Variants in PCDHA12 observed in about 807,000 individuals in gnomAD.
PCDHA12 encodes protocadherin alpha-12.
PCDHA12 carries 44 observed loss-of-function variants against 60.0 expected under a neutral mutation model. That is an observed-to-expected ratio of 0.73 (90% CI 0.58 to 0.94). The LOEUF (loss-of-function observed/expected upper bound fraction) is 0.94. Ranked by LOEUF, PCDHA12 falls within the 40% of genes least tolerant of loss-of-function variation. PCDHA12 has a pLI of 0.00. For synonymous variants in PCDHA12, 569 were observed against 553.0 expected (o/e 1.03, Z -0.40); for missense variants, 1,276 against 1,239.7 (o/e 1.03, Z -0.44).
Position 140,979,220 on chromosome 5 carries a change from C to T in PCDHA12, c.2426+213C>T, listed in dbSNP as rs552719327. ...TATCAAGTGCTGGCATATAAGAGTC[C>T]TCTGTAAAATCACAGAAACAGGCTG... On this transcript the variant is annotated intron_variant, in intron 2 of 3. Transcript: ENST00000398631. Among the ~76,000 whole-genome samples, 27 of 152,304 alleles carry T rather than the reference C, an allele frequency of 1.8e-4. 1 individual carries two copies. The highest frequency in any genetic ancestry group is 6.3e-4 in the African/African-American group (26 of 41,574).
At chr5:141,008,211 G>A (rs1032443788) in intron 3 of PCDHA12, among the ~76,000 whole-genome samples, 6 of 152,168 alleles carry the variant, frequency 3.9e-5, no homozygotes, top group Admixed American at 2.0e-4. Context: ...AACTTGACAT[G>A]AGTTATGTTA....
At chr5:140,915,753 G>A (rs1196952771) in intron 1 of PCDHA12, among the ~76,000 whole-genome samples, 1 of 151,952 alleles carries the variant, frequency 6.6e-6, no homozygotes, top group Non-Finnish European at 1.5e-5. Context: ...AGCCAGCACA[G>A]CCCTGGGTCT....
intron 3 of PCDHA12, among the ~76,000 whole-genome samples, chr5:141,000,900 G>A (rs1020896392): frequency 6.6e-6 from 1 of 151,614 alleles, no homozygotes; most frequent in African/African-American, 2.4e-5. Flanking sequence ...AGATATAGAC[G>A]CTGTCTCTAA....
At chr5:140,882,279 C>A (rs1456228410) in intron 1 of PCDHA12, 1 of 1,612,386 alleles carries the variant, frequency 6.2e-7, no homozygotes, top group Non-Finnish European at 8.5e-7. Context: ...ATGCTGTCTT[C>A]CTGGCAAGGA....
intron 1 of PCDHA12, among the ~76,000 whole-genome samples, chr5:140,894,494 T>C (rs1412845995): frequency 6.6e-6 from 1 of 151,992 alleles, no homozygotes; most frequent in Non-Finnish European, 1.5e-5. Flanking sequence ...TAGTTTTCTT[T>C]AGGCATTATC....
intron 1 of PCDHA12, among the ~76,000 whole-genome samples, chr5:140,961,987 C>T (rs1411300268): frequency 1.3e-5 from 2 of 151,942 alleles, no homozygotes; most frequent in African/African-American, 4.8e-5. Context: ...GGGTTCACGC[C>T]ATTGTCCTGC....
intron 3 of PCDHA12, among the ~76,000 whole-genome samples, chr5:141,007,208 A>G (rs1056049066): frequency 5.3e-5 from 8 of 152,060 alleles, no homozygotes; most frequent in African/African-American, 1.9e-4. Context: ...GGGCCAGAAT[A>G]TGCTGTCCCA....
At chr5:140,903,427 A>G (rs1030133179) in intron 1 of PCDHA12, among the ~76,000 whole-genome samples, 9 of 152,208 alleles carry the variant, frequency 5.9e-5, no homozygotes, top group African/African-American at 1.9e-4. Context: ...TCAGCACAAT[A>G]TGTATCAGTG....
Position 140,969,539 on chromosome 5 carries a change from A to G in PCDHA12, c.2368-9410A>G, listed in dbSNP as rs551546462. ...GAATTGTTTTATTTTTCATTTTCAGAGGCATGAAGCCTTGTCCATAAAATT... is the reference window on the plus strand; with the variant it reads ...GAATTGTTTTATTTTTCATTTTCAGGGGCATGAAGCCTTGTCCATAAAATT... On this transcript the variant is annotated intron_variant, in intron 1 of 3. Transcript: ENST00000398631. The G allele has an allele frequency of 2.3e-6, 3 of 1,303,614 alleles. No individual in the cohort carries two copies. The Admixed American group carries it at 8.5e-5, about 37-fold the overall frequency. 80.8% of individuals were successfully genotyped at this position (1,303,614 alleles called of 1,614,324 possible).
At chr5:140,967,025 C>G (rs2153750258) in intron 1 of PCDHA12, 1 of 1,608,362 alleles carries the variant, frequency 6.2e-7, no homozygotes, top group Middle Eastern at 1.7e-4. Flanking sequence ...TGCGCCCAGT[C>G]CGCGCTACCT....
intron 1 of PCDHA12, chr5:140,967,799 A>G: frequency 1.2e-6 from 2 of 1,614,190 alleles, no homozygotes; most frequent in Non-Finnish European, 1.7e-6. Context: ...TCCAGTGCCC[A>G]TGGCAGGTCA....
At chr5:140,967,552 T>C (rs782453868) in intron 1 of PCDHA12, 2 of 1,613,908 alleles carry the variant, frequency 1.2e-6, no homozygotes, top group Non-Finnish European at 1.7e-6. Context: ...AGTCCACTTA[T>C]CGCGTCCAGC....
intron 1 of PCDHA12, among the ~76,000 whole-genome samples, chr5:140,891,988 A>T (rs1213568167): frequency 6.6e-6 from 1 of 152,216 alleles, no homozygotes. Flanking sequence ...TAAATTACTC[A>T]GTCTGTGGCA....
intron 1 of PCDHA12, chr5:140,929,108 C>T (rs1255119645): frequency 6.2e-7 from 1 of 1,614,080 alleles, no homozygotes; most frequent in African/African-American, 1.3e-5. Flanking sequence ...TGCATGACAT[C>T]AGCCACCATA....
rs1563353899 is a variant in PCDHA12, at chr5:140,966,713, G to A, written c.2368-12236G>A. The A allele has an allele frequency of 4.3e-6, 6 of 1,392,826 alleles. No individual in the cohort carries two copies. The African/African-American group carries it at 9.1e-5, about 21-fold the overall frequency. 86.3% of individuals were successfully genotyped at this position (1,392,826 alleles called of 1,614,324 possible). ...CGGGGCCCGGGCGTGGGGCACGGCTGGGGAAGCTGCCGCCTCCGGCCCTGC... is the reference window on the plus strand; with the variant it reads ...CGGGGCCCGGGCGTGGGGCACGGCTAGGGAAGCTGCCGCCTCCGGCCCTGC... On this transcript the variant is annotated intron_variant, in intron 1 of 3. Transcript: ENST00000398631.
intron 1 of PCDHA12, chr5:140,967,903 A>C: frequency 6.2e-7 from 1 of 1,614,112 alleles, no homozygotes; most frequent in Non-Finnish European, 8.5e-7. Flanking sequence ...AGAATGCTAC[A>C]CCCAACACCA....
intron 1 of PCDHA12, among the ~76,000 whole-genome samples, chr5:140,908,078 A>T (rs1047293736): frequency 6.6e-6 from 1 of 152,202 alleles, no homozygotes; most frequent in Non-Finnish European, 1.5e-5. Context: ...AAAGTGCACA[A>T]CCAGGTGCAC....
chr5:140,885,566 G>T (rs190303990), intron 1 of PCDHA12, among the ~76,000 whole-genome samples: 3 of 152,162 alleles, frequency 2.0e-5, no homozygotes, highest in South Asian at 4.2e-4. Flanking sequence ...GAAATTGATT[G>T]TCAGATGTGG....
intron 1 of PCDHA12, among the ~76,000 whole-genome samples, chr5:140,946,700 G>T (rs2094011625): frequency 6.7e-6 from 1 of 148,322 alleles, no homozygotes; most frequent in African/African-American, 2.5e-5. Flanking sequence ...GGATGAATCT[G>T]GAGGTCATTA....
Sources: gnomAD v4.1 joint callset for allele counts (sites outside exome capture counted in the v4.1 genomes callset) on GRCh38, gnomAD v4.1.1 for gene constraint, MANE v1.5 for transcripts, NCBI Gene and HGNC (gene_info 2026-07-23, HGNC 2026-07-21) for gene names.